RANBP2: variants seen among roughly 807,000 people sequenced by gnomAD.
RANBP2 encodes RAN binding protein 2, also known as E3 SUMO-protein ligase RanBP2.
A neutral mutation model predicts 303.6 loss-of-function variants in RANBP2; 57 were observed. The observed-to-expected ratio is 0.19, with a 90% CI of 0.15 to 0.23. The LOEUF (loss-of-function observed/expected upper bound fraction) is 0.23, where lower values mean the gene tolerates loss of function less well. RANBP2 is among the 10% of genes least tolerant of loss of function. The probability of loss-of-function intolerance (pLI) is 1.00; values close to 1 mark genes in which losing one functional copy is unlikely to be tolerated. For missense variants in RANBP2, 3,138 were observed against 3,780.8 expected, an observed-to-expected ratio of 0.83 and a Z score of 4.46; for synonymous variants, 1,167 against 1,301.5, an observed-to-expected ratio of 0.90 and a Z score of 2.23.
At chr2:109,229,045 C>A in the RANBP2 span, among the ~76,000 whole-genome samples, 1 of 152,152 alleles carries the variant, frequency 6.6e-6, no homozygotes, top group Non-Finnish European at 1.5e-5. Context: ...CATCACCCAG[C>A]AAATACCAAG....
At chr2:109,009,604 C>T in the RANBP2 span, among the ~76,000 whole-genome samples, 1 of 152,080 alleles carries the variant, frequency 6.6e-6, no homozygotes, top group Non-Finnish European at 1.5e-5. Flanking sequence ...TAGCTCACCA[C>T]AGCCTCCAAC....
the RANBP2 span, among the ~76,000 whole-genome samples, chr2:108,936,006 C>T: frequency 1.3e-5 from 2 of 152,226 alleles, no homozygotes; most frequent in African/African-American, 2.4e-5. Flanking sequence ...GTGCCCACTG[C>T]AGGAAGAAGG....
the RANBP2 span, among the ~76,000 whole-genome samples, chr2:108,859,441 G>A: frequency 6.6e-6 from 1 of 152,210 alleles, no homozygotes; most frequent in Non-Finnish European, 1.5e-5. Flanking sequence ...TATTGCATTT[G>A]CTTTTGATGA....
chr2:109,382,438 C>T, the RANBP2 span, among the ~76,000 whole-genome samples: 4 of 152,124 alleles, frequency 2.6e-5, no homozygotes, highest in Non-Finnish European at 5.9e-5. Flanking sequence ...CCCTCAGCAG[C>T]CCACCTCCTG....
At chr2:108,763,148 A>G in intron 19 of RANBP2, 89 bp from the exon 20 acceptor site, 1 of 1,365,310 alleles carries the variant, frequency 7.3e-7, no homozygotes, top group Non-Finnish European at 1.0e-6. Context: ...CTTCATATTC[A>G]TGTTTGAAGT....
At chr2:108,964,366 C>T in the RANBP2 span, among the ~76,000 whole-genome samples, 2 of 152,146 alleles carry the variant, frequency 1.3e-5, no homozygotes, top group Non-Finnish European at 2.9e-5. Context: ...CATGATGCCA[C>T]GGCTCCAAAG....
chr2:109,198,018 C>T, the RANBP2 span, among the ~76,000 whole-genome samples: 1 of 152,130 alleles, frequency 6.6e-6, no homozygotes, highest in African/African-American at 2.4e-5. Context: ...GTTAAGTAAG[C>T]GGCAGGTTTC....
chr2:109,041,702 T>G, the RANBP2 span, among the ~76,000 whole-genome samples: 1 of 144,984 alleles, frequency 6.9e-6, no homozygotes, highest in African/African-American at 2.6e-5. Flanking sequence ...TTTTTTTTTT[T>G]TTTTTTTTTG....
At chr2:109,250,175 C>T in the RANBP2 span, among the ~76,000 whole-genome samples, 1 of 151,226 alleles carries the variant, frequency 6.6e-6, no homozygotes, top group Admixed American at 6.6e-5. Flanking sequence ...TTCTCCACTC[C>T]TAGGAATGTT....
At chr2:109,246,948 C>T in the RANBP2 span, among the ~76,000 whole-genome samples, 2 of 152,298 alleles carry the variant, frequency 1.3e-5, no homozygotes, top group South Asian at 2.1e-4. Context: ...CTTGAGGAGG[C>T]GTTCCCAGAG....
the RANBP2 span, among the ~76,000 whole-genome samples, chr2:109,014,486 C>T: frequency 6.6e-6 from 1 of 152,172 alleles, no homozygotes; most frequent in Admixed American, 6.5e-5. Context: ...TGTTCAAAAA[C>T]ACAACTGTGT....
chr2:108,936,853 C>T, the RANBP2 span, among the ~76,000 whole-genome samples: 1 of 152,214 alleles, frequency 6.6e-6, no homozygotes, highest in African/African-American at 2.4e-5. Context: ...GAGAAGGTAG[C>T]CTGGGAGTCC....
the RANBP2 span, among the ~76,000 whole-genome samples, chr2:109,138,774 G>A: frequency 1.3e-5 from 2 of 152,238 alleles, no homozygotes; most frequent in Non-Finnish European, 2.9e-5. Context: ...TGCTGCTCTT[G>A]AAGACTGGCC....
chr2:109,096,360 A>AAT, the RANBP2 span, among the ~76,000 whole-genome samples: 1 of 152,224 alleles, frequency 6.6e-6, no homozygotes, highest in Non-Finnish European at 1.5e-5. Flanking sequence ...TTCAGTATAT[A>AAT]TTGTCAGTAA....
At chr2:109,261,557 A>G in the RANBP2 span, among the ~76,000 whole-genome samples, 22 of 152,134 alleles carry the variant, frequency 1.4e-4, no homozygotes, top group African/African-American at 4.8e-4. Context: ...GACAAACACA[A>G]ACAAGTGCAT....
the RANBP2 span, among the ~76,000 whole-genome samples, chr2:109,203,691 C>T: frequency 6.6e-6 from 1 of 152,196 alleles, no homozygotes; most frequent in Non-Finnish European, 1.5e-5. Flanking sequence ...CCCTGCACTT[C>T]CACCCCCTGG....
the RANBP2 span, among the ~76,000 whole-genome samples, chr2:109,303,499 G>T: frequency 6.6e-6 from 1 of 152,154 alleles, no homozygotes; most frequent in Non-Finnish European, 1.5e-5. Context: ...ATATTTTCAG[G>T]CCTAGGTAGC....
chr2:109,186,646 G>C, the RANBP2 span, among the ~76,000 whole-genome samples: 4 of 152,092 alleles, frequency 2.6e-5, no homozygotes, highest in Non-Finnish European at 5.9e-5. Flanking sequence ...TTGGGATGGA[G>C]CCCCCTAGGA....
At chr2:109,179,372 C>T in the RANBP2 span, among the ~76,000 whole-genome samples, 20 of 152,102 alleles carry the variant, frequency 1.3e-4, no homozygotes, top group Admixed American at 2.0e-4. Context: ...AAAAGCAGAA[C>T]GTGAGAGGAC....
Sources: gnomAD v4.1 joint callset for allele counts (sites outside exome capture counted in the v4.1 genomes callset) on GRCh38, gnomAD v4.1.1 for gene constraint, MANE v1.5 for transcripts, NCBI Gene and HGNC (gene_info 2026-07-23, HGNC 2026-07-21) for gene names.